GRIA4: variants seen among roughly 807,000 people sequenced by gnomAD.
GRIA4 encodes the protein glutamate ionotropic receptor AMPA type subunit 4.
A neutral mutation model predicts 104.0 loss-of-function variants in GRIA4; 34 were observed. That is an observed-to-expected ratio of 0.33 (90% confidence interval 0.25 to 0.44). The LOEUF (loss-of-function observed/expected upper bound fraction) is 0.44, where lower values mean the gene tolerates loss of function less well. Ranked by LOEUF, GRIA4 falls within the 20% of genes least tolerant of loss-of-function variation. GRIA4 has a pLI of 1.00. For synonymous variants in GRIA4, 386 were observed against 381.9 expected (o/e 1.01, Z -0.13); for missense variants, 750 against 1,096.5 (o/e 0.68, Z 4.46).
intron 6 of GRIA4, among the ~76,000 whole-genome samples, chr11:105,895,761 T>G (rs1946629955): frequency 6.6e-6 from 1 of 152,138 alleles, no homozygotes; most frequent in African/African-American, 2.4e-5. Context: ...GACACCATCT[T>G]TTTTCCTACC....
intron 12 of GRIA4, among the ~76,000 whole-genome samples, chr11:105,925,487 A>G (rs1404162335): frequency 6.6e-6 from 1 of 152,136 alleles, no homozygotes; most frequent in Non-Finnish European, 1.5e-5. Context: ...TGAGAAGAAA[A>G]GTATTTACTT....
chr11:105,847,989 T>A (rs893374156), intron 4 of GRIA4, among the ~76,000 whole-genome samples: 2 of 152,216 alleles, frequency 1.3e-5, no homozygotes, highest in Non-Finnish European at 1.5e-5. Context: ...TTTGTGGAAT[T>A]AACCAATTTA....
At chr11:105,655,412 A>G (rs1181425113) in intron 3 of GRIA4, among the ~76,000 whole-genome samples, 1 of 152,124 alleles carries the variant, frequency 6.6e-6, no homozygotes, top group Non-Finnish European at 1.5e-5. Flanking sequence ...ATAGGTATAC[A>G]TGTACCATGG....
At chr11:105,888,759 G>A (rs1315206198) in intron 6 of GRIA4, among the ~76,000 whole-genome samples, 1 of 152,006 alleles carries the variant, frequency 6.6e-6, no homozygotes, top group African/African-American at 2.4e-5. Flanking sequence ...GTTTGGTTGT[G>A]GATCTGAGAT....
At chr11:105,819,402 T>C (rs1943499144) in intron 4 of GRIA4, among the ~76,000 whole-genome samples, 1 of 152,172 alleles carries the variant, frequency 6.6e-6, no homozygotes, top group African/African-American at 2.4e-5. Flanking sequence ...AAATCACTCA[T>C]AACAGTACTC....
At chr11:105,640,316 C>G (rs1427929834) in intron 3 of GRIA4, among the ~76,000 whole-genome samples, 2 of 151,836 alleles carry the variant, frequency 1.3e-5, no homozygotes, top group African/African-American at 2.4e-5. Flanking sequence ...CACATTTACA[C>G]TTTTGTGTTT....
At chr11:105,964,345 G>C (rs970867174) in intron 14 of GRIA4, among the ~76,000 whole-genome samples, 1 of 152,174 alleles carries the variant, frequency 6.6e-6, no homozygotes, top group Non-Finnish European at 1.5e-5. Context: ...GTTTACTTAT[G>C]AGAACTGTTT....
intron 3 of GRIA4, among the ~76,000 whole-genome samples, chr11:105,733,315 T>C (rs935949344): frequency 6.6e-6 from 1 of 152,212 alleles, no homozygotes; most frequent in Non-Finnish European, 1.5e-5. Flanking sequence ...ATATAGATGA[T>C]ACATGTATGA....
chr11:105,702,785 C>T (rs539899903), intron 3 of GRIA4, among the ~76,000 whole-genome samples: 6 of 150,182 alleles, frequency 4.0e-5, no homozygotes, highest in Admixed American at 3.3e-4. Context: ...ACCTCCACCT[C>T]CTGAGTTCAA....
intron 4 of GRIA4, among the ~76,000 whole-genome samples, chr11:105,802,798 ATTTG>A (rs914653790): frequency 2.0e-5 from 3 of 151,800 alleles, no homozygotes; most frequent in Non-Finnish European, 2.9e-5. Flanking sequence ...TTTATTTTTT[ATTTG>A]TTTATTTCAA....
At chr11:105,968,976 C>A (rs1858539966) in intron 14 of GRIA4, among the ~76,000 whole-genome samples, 1 of 152,296 alleles carries the variant, frequency 6.6e-6, no homozygotes, top group South Asian at 2.1e-4. Flanking sequence ...ATTACAGTTA[C>A]AAAATTATTT....
intron 14 of GRIA4, among the ~76,000 whole-genome samples, chr11:105,934,517 A>T (rs1466518151): frequency 6.6e-6 from 1 of 152,158 alleles, no homozygotes; most frequent in African/African-American, 2.4e-5. Flanking sequence ...GTCAGAGGAA[A>T]AAATGAGCTC....
chr11:105,658,343 C>T (rs534729682), intron 3 of GRIA4, among the ~76,000 whole-genome samples: 112 of 151,612 alleles, frequency 7.4e-4, no homozygotes, highest in African/African-American at 2.6e-3. Flanking sequence ...CTTTTTAAAC[C>T]TCTAATTTAC....
intron 5 of GRIA4, among the ~76,000 whole-genome samples, chr11:105,881,201 G>A (rs1367339867): frequency 2.0e-5 from 3 of 152,166 alleles, no homozygotes; most frequent in African/African-American, 4.8e-5. Flanking sequence ...TGTTGGGCAA[G>A]GGAGTTGGAG....
intron 4 of GRIA4, among the ~76,000 whole-genome samples, chr11:105,835,247 G>T (rs1415681930): frequency 6.6e-6 from 1 of 151,906 alleles, no homozygotes; most frequent in East Asian, 1.9e-4. Flanking sequence ...TTCTTCATCA[G>T]TTAAAATATT....
intron 3 of GRIA4, among the ~76,000 whole-genome samples, chr11:105,688,060 C>T (rs961632214): frequency 2.6e-5 from 4 of 151,686 alleles, no homozygotes; most frequent in African/African-American, 9.7e-5. Flanking sequence ...CTAGGTAGTC[C>T]TCCTAGGTTT....
intron 3 of GRIA4, among the ~76,000 whole-genome samples, chr11:105,673,608 T>C (rs1952442836): frequency 6.6e-6 from 1 of 152,076 alleles, no homozygotes; most frequent in Non-Finnish European, 1.5e-5. Context: ...CATGGAAATA[T>C]CTTGTATCCA....
intron 13 of GRIA4, among the ~76,000 whole-genome samples, chr11:105,931,006 A>G (rs1324932033): frequency 6.6e-6 from 1 of 152,118 alleles, no homozygotes; most frequent in Non-Finnish European, 1.5e-5. Flanking sequence ...ATCAATATAG[A>G]TATTGAGGGA....
intron 4 of GRIA4, among the ~76,000 whole-genome samples, chr11:105,800,863 C>T (rs1374406071): frequency 6.6e-6 from 1 of 151,900 alleles, no homozygotes; most frequent in Non-Finnish European, 1.5e-5. Context: ...GAATGAGCTT[C>T]TTAATATTAG....
Sources: allele counts gnomAD v4.1 joint callset (sites outside exome capture counted in the v4.1 genomes callset), GRCh38; gene constraint gnomAD v4.1.1; transcripts MANE v1.5; gene names NCBI Gene and HGNC (gene_info 2026-07-23, HGNC 2026-07-21).